Variants in NFRKB observed in about 807,000 individuals in gnomAD.
The protein encoded by NFRKB is nuclear factor related to kappa-B-binding protein.
NFRKB carries 62 observed loss-of-function variants against 135.7 expected under a neutral mutation model. That is an observed-to-expected ratio of 0.46 (90% CI 0.37 to 0.56). The LOEUF (loss-of-function observed/expected upper bound fraction) is 0.56, where lower values mean the gene tolerates loss of function less well. Among genes scored for constraint, NFRKB ranks in the 20% least tolerant of loss-of-function variants. The pLI is 0.00. For synonymous variants in NFRKB, 678 were observed against 635.6 expected (o/e 1.07, Z -1.00); for missense variants, 1,545 against 1,662.0 (o/e 0.93, Z 1.22).
intron 12 of NFRKB, 100 bp from the exon 13 acceptor site, chr11:129,881,608 T>A (rs1194797551): frequency 4.4e-6 from 7 of 1,591,658 alleles, no homozygotes; most frequent in Non-Finnish European, 6.0e-6. Context: ...GCAGGAACCT[T>A]CAAGGCATAG....
Position 129,893,705 on chromosome 11 carries a change from A to G in NFRKB, c.-22+654T>C, listed in dbSNP as rs375838961. 8.1e-4 allele frequency among the ~76,000 whole-genome samples: 124 copies of G among 152,360 alleles called. 2 individuals are homozygous for G. The Middle Eastern group carries it at 0.041, about 50-fold the overall frequency. On this transcript the variant is annotated intron_variant, in intron 2 of 26. Coordinates refer to ENST00000682444, the MANE Select transcript of NFRKB (RefSeq NM_001143835.2). ...GCCTATTAAAAGCCAGGCCTTTCAC[A>G]TATCTCATTTAATTCCTACAACTGT... is the stretch of plus-strand genomic sequence containing the variant.
chr11:129,886,750 C>T (rs1303256801), intron 4 of NFRKB, among the ~76,000 whole-genome samples: 1 of 152,186 alleles, frequency 6.6e-6, no homozygotes, highest in Non-Finnish European at 1.5e-5. Flanking sequence ...CATTCCTCAT[C>T]TGTATCCTTA....
chr11:129,886,530 T>C (rs976104581), intron 4 of NFRKB, 86 bp from the exon 5 acceptor site: 6 of 1,254,536 alleles, frequency 4.8e-6, no homozygotes, highest in African/African-American at 3.0e-5. Flanking sequence ...GTGCTTAACA[T>C]GGTAAACTCT....
rs1948652366 is a variant in NFRKB at position 129,874,150 on chromosome 11, G to A, written c.2242C>T (p.Pro748Ser). ...PPVSAVNKSG[P>S]STVSEPAKSS... Reference sequence around the variant, plus strand: ...TTAGCTGGTTCTGAGACTGTGGAAGGGCCGCTTTTGTTCACTGCCGATACA... The same window carrying A: ...TTAGCTGGTTCTGAGACTGTGGAAGAGCCGCTTTTGTTCACTGCCGATACA... Residue 748 changes from proline (P) to serine (S), a missense_variant, in exon 21 of 27, where the codon CCT becomes TCT. Pro to Ser is a moderately conservative substitution (Grantham distance 74, BLOSUM62 -1). Around this residue, in one of 3 missense-constraint regions of NFRKB, gnomAD observed 753 missense variants for 804.3 expected, o/e 0.94. Coordinates refer to ENST00000682444, the MANE Select transcript of NFRKB (RefSeq NM_001143835.2). The surrounding 1 kb of genome is among the most constrained non-coding windows in gnomAD (Gnocchi z 4.5). The A allele has an allele frequency of 4.6e-6, 7 of 1,527,426 alleles. No individual in the cohort carries two copies. The highest frequency in any genetic ancestry group is 6.1e-6 in the Non-Finnish European group (7 of 1,138,780). The allele number at this position is 1,527,426 out of a possible 1,614,324, so 94.6% of individuals were successfully genotyped here. A position where few individuals can be genotyped will look rare whatever the true frequency, so the allele number is the denominator to read the frequency against.
At chr11:129,889,120 C>A (rs1291330165) in intron 3 of NFRKB, among the ~76,000 whole-genome samples, 6 of 152,080 alleles carry the variant, frequency 3.9e-5, no homozygotes, top group African/African-American at 1.2e-4. Context: ...CACCACCACG[C>A]CTGCCTATTT....
In NFRKB at chr11:129,878,482, T is replaced by A. The variant is rs1215943960; in HGVS notation, c.1446A>T (p.Lys482Asn). ...AALFQLWLET[K>N]DQAFCKQENE... The stretch of plus-strand genomic sequence containing the variant: ...AACATACCTTACAGAAGGCCTGATC[T>A]TTGGTCTCTAGCCATAGCTGGAAGA... Residue 482 changes from lysine (K) to asparagine (N), a missense_variant, in exon 14 of 27, where the codon AAA becomes AAT. Lys to Asn is a moderately conservative substitution (Grantham distance 94). Around this residue, in one of 3 missense-constraint regions of NFRKB, gnomAD observed 678 missense variants for 646.7 expected, o/e 1.05. Transcript: ENST00000682444. The A allele has an allele frequency of 6.2e-7, 1 of 1,614,168 alleles. No homozygotes were observed. The highest frequency in any genetic ancestry group is 2.2e-5 in the East Asian group (1 of 44,888).
At chr11:129,886,695 A>C (rs1949295331) in intron 4 of NFRKB, among the ~76,000 whole-genome samples, 1 of 152,230 alleles carries the variant, frequency 6.6e-6, no homozygotes, top group South Asian at 2.1e-4. Flanking sequence ...TAGAACTGAC[A>C]CATGGCATGG....
chr11:129,884,842 G>C lies in NFRKB; in HGVS notation c.645C>G (p.Leu215=). Residue 215 remains leucine, a synonymous_variant, in exon 7 of 27, where the codon CTC becomes CTG. Coordinates refer to ENST00000682444, the MANE Select transcript of NFRKB (RefSeq NM_001143835.2). The part of the protein sequence containing the change: ...DTALSSDEED[L]SSWLPSSPAR... ...CTGGAGAGCTCGGAAGCCATGAGCT[G>C]AGATCTTCAAAAGAAAATTGTTCTT... is the stretch of plus-strand genomic sequence containing the variant. The C allele has an allele frequency of 2.5e-6, 4 of 1,614,208 alleles. No individual in the cohort carries two copies. The highest frequency in any genetic ancestry group is 3.4e-6 in the Non-Finnish European group (4 of 1,180,020).
At chr11:129,889,980 G>GTA (rs1555094262) in intron 3 of NFRKB, among the ~76,000 whole-genome samples, 1 of 149,268 alleles carries the variant, frequency 6.7e-6, no homozygotes, top group Non-Finnish European at 1.5e-5. Context: ...GTGTGTGTGT[G>GTA]TGTATGCATT....
chr11:129,878,258 C>A, intron 15 of NFRKB, 51 bp downstream of exon 15: 1 of 1,584,846 alleles, frequency 6.3e-7, no homozygotes, highest in Non-Finnish European at 8.6e-7. Context: ...AAGGCAGTAT[C>A]TGAACTACAG....
intron 23 of NFRKB, among the ~76,000 whole-genome samples, chr11:129,871,298 C>T (rs1231686345): frequency 6.6e-6 from 1 of 152,052 alleles, no homozygotes; most frequent in African/African-American, 2.4e-5. Context: ...GATGTGGAAC[C>T]CACGAGTACA....
intron 9 of NFRKB, 55 bp from the exon 10 acceptor site, chr11:129,882,686 G>A: frequency 6.5e-7 from 1 of 1,542,784 alleles, no homozygotes; most frequent in Non-Finnish European, 8.8e-7. Context: ...ACAGGGAAGT[G>A]AGGGGTCTTA....
intron 10 of NFRKB, 105 bp downstream of exon 10, chr11:129,882,346 A>T: frequency 7.1e-7 from 1 of 1,400,972 alleles, no homozygotes; most frequent in Non-Finnish European, 9.8e-7. Flanking sequence ...CTTCAGGTCT[A>T]CAAGTCCAAC....
Position 129,892,733 on chromosome 11 carries a change from G to A in NFRKB, c.117C>T (p.Pro39=), listed in dbSNP as rs371995557. 26 of 1,613,772 alleles carry A rather than the reference G, an allele frequency of 1.6e-5. No homozygotes were observed. The highest frequency in any genetic ancestry group is 1.3e-4 in the Admixed American group (8 of 59,996). ...CLLGGTRVSL[P]EDLLEDPEIF... Reference sequence around the variant, plus strand: ...TACTCACATCCTCCAGAAGGTCCTCGGGCAGACTAACTCTGGTGCCTCCCA... The same window carrying A: ...TACTCACATCCTCCAGAAGGTCCTCAGGCAGACTAACTCTGGTGCCTCCCA... Residue 39 remains proline, a synonymous_variant, in exon 3 of 27, where the codon CCC becomes CCT. Coordinates refer to ENST00000682444, the MANE Select transcript of NFRKB (RefSeq NM_001143835.2).
intron 12 of NFRKB, 89 bp from the exon 13 acceptor site, chr11:129,881,597 A>C: frequency 6.3e-7 from 1 of 1,596,098 alleles, no homozygotes; most frequent in South Asian, 1.1e-5. Context: ...GTATTAGAAA[A>C]GCAGGAACCT....
intron 3 of NFRKB, among the ~76,000 whole-genome samples, chr11:129,889,051 T>C (rs1003875553): frequency 1.2e-4 from 19 of 152,036 alleles, no homozygotes; most frequent in South Asian, 2.1e-4. Flanking sequence ...CGATCTCTGC[T>C]CCCAGACTCA....
At position 129,869,859 on chromosome 11, in the gene NFRKB, A is replaced by G; in HGVS notation, c.3166T>C (p.Ser1056Pro). ...AGAGCTGGCATCAAGCGAAAAGCCG[A>G]ACTTGAGGCTTCTGTTGGCTTGAGG... is the stretch of plus-strand genomic sequence containing the variant. ...PDLKPTEASS[S>P]AFRLMPALGV... is the part of the protein sequence containing the mutation. Residue 1056 changes from serine to proline, a missense_variant, in exon 24 of 27, where the codon TCG (serine) becomes CCG (proline). Physicochemically the swap from Ser to Pro is moderately conservative, Grantham distance 74. Coordinates refer to ENST00000682444, the MANE Select transcript of NFRKB (RefSeq NM_001143835.2). 3 of 1,614,224 alleles carry G rather than the reference A, an allele frequency of 1.9e-6. No homozygotes were observed. The South Asian group carries it at 3.3e-5, about 18-fold the overall frequency.
chr11:129,879,907 G>C (rs1415798651), intron 13 of NFRKB, among the ~76,000 whole-genome samples: 2 of 152,202 alleles, frequency 1.3e-5, no homozygotes, highest in African/African-American at 4.8e-5. Flanking sequence ...CTAAAGTCAG[G>C]CTGGGTGCAG....
rs759822017 is a variant in NFRKB at position 129,873,971 on chromosome 11, A to C, written c.2324T>G (p.Met775Arg). Residue 775 changes from methionine to arginine, a missense_variant, in exon 22 of 27, where the codon ATG becomes AGG. Met to Arg is a moderately conservative substitution (Grantham distance 91, BLOSUM62 -1). Coordinates refer to ENST00000682444, the MANE Select transcript of NFRKB (RefSeq NM_001143835.2). The part of the protein sequence containing the change: ...SSPTMPHLGT[M>R]LSPASSQTAP... ...AGTCTGGCTGGAAGCTGGGGAAAGC[A>C]TTGTTCCCAGATGTGGCATTGTTGG... 5.0e-6 allele frequency: 8 copies of C among 1,612,892 alleles called. No individual in the cohort carries two copies. The highest frequency in any genetic ancestry group is 5.9e-6 in the Non-Finnish European group (7 of 1,180,026).
Sources: gnomAD v4.1 joint callset for allele counts (sites outside exome capture counted in the v4.1 genomes callset) on GRCh38, gnomAD v4.1.1 for gene constraint, gnomAD v4.1.1 regional missense constraint, Gnocchi (gnomAD v3.1) non-coding constraint, MANE v1.5 for transcripts, NCBI Gene and HGNC (gene_info 2026-07-23, HGNC 2026-07-21) for gene names.